The following PLCE1 variants were observed in gnomAD, a reference collection of about 807,000 sequenced individuals.
PLCE1 encodes phospholipase C epsilon 1.
In PLCE1, 119 loss-of-function variants were observed where a neutral mutation model predicts 242.8. That is an observed-to-expected ratio of 0.49 (90% confidence interval 0.42 to 0.57). The LOEUF (loss-of-function observed/expected upper bound fraction) is 0.57. PLCE1 is among the 20% of genes least tolerant of loss of function. The pLI, the probability that PLCE1 is intolerant of heterozygous loss-of-function variation, is 0.00. For synonymous variants in PLCE1, 945 were observed against 1,017.4 expected, an observed-to-expected ratio of 0.93 and a Z score of 1.35; for missense variants, 2,441 against 2,788.8, an observed-to-expected ratio of 0.88 and a Z score of 2.81.
chr10:94,116,718 A>C (rs2046142139), intron 2 of PLCE1, among the ~76,000 whole-genome samples: 1 of 152,142 alleles, frequency 6.6e-6, no homozygotes, highest in South Asian at 2.1e-4. Context: ...TTTTTTAAGA[A>C]TATTTGCAGG....
chr10:94,213,435 C>T (rs964022031), intron 4 of PLCE1, among the ~76,000 whole-genome samples: 2 of 152,118 alleles, frequency 1.3e-5, no homozygotes, highest in Non-Finnish European at 1.5e-5. Flanking sequence ...GGTGGCTGCC[C>T]TTTTTGAACC....
At chr10:94,286,047 T>G (rs1209803901) in intron 22 of PLCE1, among the ~76,000 whole-genome samples, 1 of 152,042 alleles carries the variant, frequency 6.6e-6, no homozygotes, top group Non-Finnish European at 1.5e-5. Context: ...CACCAGGGGG[T>G]AGAAGACAAA....
In PLCE1 at chr10:94,224,103, C is replaced by CGT. The variant is rs56911704; in HGVS notation, c.1810-3185_1810-3184dup. On this transcript the variant is annotated intron_variant, in intron 4 of 32. Coordinates refer to ENST00000371380, the MANE Select transcript of PLCE1 (RefSeq NM_016341.4). ...GTAAACAGATGTTGGGGTGTGTGTG[C>CGT]GTGTGTGTGTGTGTGTGTGGTGTGT... Among the ~76,000 whole-genome samples, 467 of 150,124 alleles carry CGT rather than the reference C, an allele frequency of 3.1e-3. 1 individual carries two copies. The highest frequency in any genetic ancestry group is 8.7e-3 in the African/African-American group (358 of 40,964).
intron 2 of PLCE1, among the ~76,000 whole-genome samples, chr10:94,127,668 T>C (rs548385918): frequency 6.6e-6 from 1 of 152,338 alleles, no homozygotes; most frequent in Non-Finnish European, 1.5e-5. Flanking sequence ...AACTAGTATT[T>C]GTTGAGCATT....
chr10:94,296,206 C>CA (rs200197176), intron 23 of PLCE1, among the ~76,000 whole-genome samples: 11,097 of 147,442 alleles, frequency 0.075, 548 homozygotes, highest in East Asian at 0.19. Context: ...ACTAAAAATA[C>CA]AAAAAAAAAA....
chr10:94,109,385 C>T (rs1334592813), intron 2 of PLCE1, among the ~76,000 whole-genome samples: 2 of 152,248 alleles, frequency 1.3e-5, no homozygotes, highest in East Asian at 1.9e-4. Context: ...GAAAATGTGA[C>T]CCACTTGAGG....
In PLCE1 at chr10:94,110,602, T is replaced by C. The variant is rs532158927; in HGVS notation, c.1207-21572T>C. Among the ~76,000 whole-genome samples, 15 of 152,364 alleles carry C rather than the reference T, an allele frequency of 9.8e-5. No homozygotes were observed. In the East Asian group the frequency reaches 1.7e-3, roughly 18 times the overall value. On this transcript the variant is annotated intron_variant, in intron 2 of 32. Coordinates refer to ENST00000371380, the MANE Select transcript of PLCE1 (RefSeq NM_016341.4). ...GGAGAAAAACTTGGTTAATACATTA[T>C]GTAGAAAAGCAGATTATAAATGTTG...
At chr10:94,249,229 A>G (rs889699293) in intron 8 of PLCE1, among the ~76,000 whole-genome samples, 1 of 152,224 alleles carries the variant, frequency 6.6e-6, no homozygotes, top group Non-Finnish European at 1.5e-5. Flanking sequence ...TTCGAAAGAA[A>G]AAAGTTGGAA....
chr10:94,223,876 T>C (rs2049848443), intron 4 of PLCE1, among the ~76,000 whole-genome samples: 1 of 152,230 alleles, frequency 6.6e-6, no homozygotes, highest in Non-Finnish European at 1.5e-5. Context: ...AAATTCTTTC[T>C]GGATTGGCAA....
At position 94,147,255 on chromosome 10, in the gene PLCE1, C is replaced by A. The variant is rs112320214; in HGVS notation, c.1492+14796C>A. On this transcript the variant is annotated intron_variant, in intron 3 of 32. Coordinates refer to ENST00000371380, the MANE Select transcript of PLCE1 (RefSeq NM_016341.4). ...TGGCCAACATGGGGAAACTCTGTCT[C>A]TACTAAAACTACAAAAATCAGCCAG... is the stretch of plus-strand genomic sequence containing the variant. Among the ~76,000 whole-genome samples, 803 of 152,168 alleles carry A rather than the reference C, an allele frequency of 5.3e-3. 6 individuals carry two copies. Among genetic ancestry groups the A allele is most frequent in the African/African-American group, 0.017 (710 of 41,524 alleles).
At position 94,332,264 on chromosome 10, in the gene PLCE1, G is replaced by C. The variant is rs1055886376; in HGVS notation, c.*4321G>C. ...AACCTTCCCTATTGCAGATGACATA[G>C]GTCTCTAAACTTTTGACACAAGTAA... is the stretch of plus-strand genomic sequence containing the variant. On this transcript the variant is annotated 3_prime_UTR_variant, in exon 33 of 33. Coordinates refer to ENST00000371380, the MANE Select transcript of PLCE1 (RefSeq NM_016341.4). The C allele has an allele frequency of 6.6e-6, 1 of 152,124 alleles. No homozygotes were observed. Among genetic ancestry groups the C allele is most frequent in the Non-Finnish European group, 1.5e-5 (1 of 68,028 alleles). The allele number at this position is 152,124 out of a possible 1,614,324, so 9.4% of individuals were successfully genotyped here.
intron 3 of PLCE1, among the ~76,000 whole-genome samples, chr10:94,154,361 A>C (rs1176534815): frequency 3.3e-5 from 5 of 152,220 alleles, no homozygotes; most frequent in Admixed American, 1.3e-4. Context: ...CTAGAACTAT[A>C]AAACTCATAG....
chr10:94,012,412 G>T (rs565903039), intron 1 of PLCE1, among the ~76,000 whole-genome samples: 1 of 151,996 alleles, frequency 6.6e-6, no homozygotes, highest in Non-Finnish European at 1.5e-5. Flanking sequence ...AGACTTCCCT[G>T]TGCTGCAAAC....
At chr10:94,167,253 A>T (rs1052085939) in intron 3 of PLCE1, among the ~76,000 whole-genome samples, 1 of 152,070 alleles carries the variant, frequency 6.6e-6, no homozygotes, top group Non-Finnish European at 1.5e-5. Context: ...TCCAGCCTGG[A>T]TGACATAGCA....
At chr10:94,176,646 C>T (rs1480556349) in intron 4 of PLCE1, among the ~76,000 whole-genome samples, 4 of 152,076 alleles carry the variant, frequency 2.6e-5, no homozygotes, top group Non-Finnish European at 4.4e-5. Flanking sequence ...GCTCCATTGC[C>T]GGTGCTAGTC....
intron 17 of PLCE1, among the ~76,000 whole-genome samples, chr10:94,269,596 A>C (rs1401268996): frequency 6.6e-6 from 1 of 152,204 alleles, no homozygotes; most frequent in African/African-American, 2.4e-5. Flanking sequence ...CCATTACCTT[A>C]CATTAGTTAG....
At position 94,284,881 on chromosome 10, in the gene PLCE1, C is replaced by A; in HGVS notation, c.4951C>A (p.Leu1651Ile). 2 of 1,608,342 alleles carry A rather than the reference C, an allele frequency of 1.2e-6. No homozygotes were observed. The highest frequency in any genetic ancestry group is 1.7e-5 in the Admixed American group (1 of 59,958). The change falls in exon 22 of 33, where the codon CTT becomes ATT. Residue 1651 changes from leucine to isoleucine, a missense_variant. By Grantham distance (5) the Leu-to-Ile change is conservative. This residue lies in a region of PLCE1 where 1,004 missense variants were observed against 1,322.7 expected (regional missense o/e 0.76). Coordinates refer to ENST00000371380, the MANE Select transcript of PLCE1 (RefSeq NM_016341.4). The stretch of plus-strand genomic sequence containing the variant: ...TATGGAACTGGGAGAAGAATTTTAT[C>A]TTGATCAGAATAAAAAGGAAAGCAG... ...YDMELGEEFY[L>I]DQNKKESRQI...
chr10:94,039,966 A>T lies in PLCE1; in HGVS notation c.1206+7714A>T, dbSNP rs962507758. On this transcript the variant is annotated intron_variant, in intron 2 of 32. Transcript: ENST00000371380. Reference sequence around the variant, plus strand: ...TGGTTTGCAAAATAGATTTAGATATATGTATAGGTATAGATATATGAATGA... The same window carrying T: ...TGGTTTGCAAAATAGATTTAGATATTTGTATAGGTATAGATATATGAATGA... 2.0e-5 allele frequency among the ~76,000 whole-genome samples: 3 copies of T among 152,222 alleles called. No individual in the cohort carries two copies. In the East Asian group the frequency reaches 5.8e-4, roughly 29 times the overall value.
At chr10:94,024,389 T>C (rs954881957) in intron 1 of PLCE1, among the ~76,000 whole-genome samples, 3 of 152,190 alleles carry the variant, frequency 2.0e-5, no homozygotes, top group Non-Finnish European at 4.4e-5. Flanking sequence ...CTGTCTTTGA[T>C]TGGATGAAAT....
Sources: allele counts gnomAD v4.1 joint callset (sites outside exome capture counted in the v4.1 genomes callset), GRCh38; gene constraint gnomAD v4.1.1; regional missense constraint gnomAD v4.1.1; transcripts MANE v1.5; gene names NCBI Gene and HGNC (gene_info 2026-07-23, HGNC 2026-07-21).